CDH18: variants seen among roughly 807,000 people sequenced by gnomAD.
CDH18 encodes the protein cadherin-18.
A neutral mutation model predicts 67.9 loss-of-function variants in CDH18; 31 were observed. That is an observed-to-expected ratio of 0.46 (90% CI 0.34 to 0.62). CDH18 has a LOEUF of 0.62. Ranked by LOEUF, CDH18 falls within the 20% of genes least tolerant of loss-of-function variation. The pLI, the probability that CDH18 is intolerant of heterozygous loss-of-function variation, is 0.01. For synonymous variants in CDH18, 362 were observed against 347.2 expected, an observed-to-expected ratio of 1.04 and a Z score of -0.48; for missense variants, 890 against 975.5, an observed-to-expected ratio of 0.91 and a Z score of 1.17.
upstream of CDH18, among the ~76,000 whole-genome samples, chr5:19,990,242 G>A (rs182005646): frequency 5.3e-5 from 8 of 152,260 alleles, no homozygotes; most frequent in African/African-American, 1.4e-4. Flanking sequence ...TAAAATTCAC[G>A]TTATGACATT....
intron 1 of CDH18, among the ~76,000 whole-genome samples, chr5:20,384,849 T>C (rs1744187428): frequency 6.6e-6 from 1 of 152,190 alleles, no homozygotes; most frequent in Non-Finnish European, 1.5e-5. Context: ...TTTATTCATT[T>C]ATTTTGAGTT....
At chr5:20,389,555 A>T (rs147234297) in intron 1 of CDH18, among the ~76,000 whole-genome samples, 5 of 152,226 alleles carry the variant, frequency 3.3e-5, no homozygotes, top group Admixed American at 6.5e-5. Flanking sequence ...GAAAATGGCC[A>T]TACTGCCCAA....
In CDH18 at chr5:19,472,600, G is replaced by A. The variant is rs900047088; in HGVS notation, c.*626C>T. ...GCACTGAAGTTGCATACATTATAGTGCAGGCAGCAAATCCCCATGCTCCAT... is the reference window on the plus strand; with the variant it reads ...GCACTGAAGTTGCATACATTATAGTACAGGCAGCAAATCCCCATGCTCCAT... On this transcript the variant is annotated 3_prime_UTR_variant, in exon 13 of 13. Transcript: ENST00000382275. Among the ~76,000 whole-genome samples the A allele has an allele frequency of 3.9e-5, 6 of 152,066 alleles. No individual in the cohort carries two copies. Among genetic ancestry groups the A allele is most frequent in the African/African-American group, 1.4e-4 (6 of 41,416 alleles).
chr5:19,638,647 T>C (rs1170148460), intron 5 of CDH18, among the ~76,000 whole-genome samples: 1 of 151,664 alleles, frequency 6.6e-6, no homozygotes, highest in Non-Finnish European at 1.5e-5. Flanking sequence ...GGTTCCTGCC[T>C]TCCCCCCCCG....
At chr5:19,487,505 C>A (rs1216860879) in intron 11 of CDH18, among the ~76,000 whole-genome samples, 3 of 152,114 alleles carry the variant, frequency 2.0e-5, no homozygotes, top group Non-Finnish European at 2.9e-5. Flanking sequence ...AGAATGTTTA[C>A]ATGTCATATA....
intron 2 of CDH18, among the ~76,000 whole-genome samples, chr5:20,241,489 A>C (rs1024713768): frequency 6.6e-6 from 1 of 152,270 alleles, no homozygotes; most frequent in African/African-American, 2.4e-5. Flanking sequence ...CTCTGATGGC[A>C]AACGTGAGGC....
chr5:19,840,274 C>CAAAA (rs770658457), intron 2 of CDH18, among the ~76,000 whole-genome samples: 2 of 48,664 alleles, frequency 4.1e-5, no homozygotes, highest in Non-Finnish European at 4.5e-5. Flanking sequence ...GACTCCGTCT[C>CAAAA]AAAAAAAAAA....
chr5:19,913,300 C>T (rs1272084225), intron 2 of CDH18, among the ~76,000 whole-genome samples: 1 of 151,908 alleles, frequency 6.6e-6, no homozygotes, highest in African/African-American at 2.4e-5. Context: ...GAAAGAAAAA[C>T]ACAAATAAAG....
chr5:20,187,522 C>G (rs745791935), intron 2 of CDH18, among the ~76,000 whole-genome samples: 1 of 151,656 alleles, frequency 6.6e-6, no homozygotes, highest in Non-Finnish European at 1.5e-5. Flanking sequence ...TATTTTTTCC[C>G]TGTATAAAAT....
Position 19,503,016 on chromosome 5 carries a change from T to G in CDH18, c.1606A>C (p.Asn536His). The change falls in exon 11 of 13, where the codon AAC becomes CAC. Residue 536 changes from asparagine to histidine, a missense_variant. Physicochemically the swap from Asn to His is moderately conservative, Grantham distance 68. Transcript: ENST00000382275. ...FLDERLPVNP[N>H]FTLKDNEDNT... ...CCTTCATTGTCCTTCAGAGTGAAGT[T>G]TGGATTTACAGGCAGGCGTTCATCA... The G allele has an allele frequency of 6.2e-7, 1 of 1,607,994 alleles. No individual in the cohort carries two copies. The highest frequency in any genetic ancestry group is 8.5e-7 in the Non-Finnish European group (1 of 1,174,636).
chr5:19,504,169 G>A (rs1244351461), intron 10 of CDH18, among the ~76,000 whole-genome samples: 4 of 152,032 alleles, frequency 2.6e-5, no homozygotes, highest in African/African-American at 7.2e-5. Flanking sequence ...AGAAGTGGGG[G>A]TGAGTGACAG....
intron 2 of CDH18, among the ~76,000 whole-genome samples, chr5:19,958,322 T>C (rs1006831400): frequency 2.8e-5 from 4 of 145,188 alleles, no homozygotes; most frequent in Admixed American, 1.4e-4. Flanking sequence ...GCTTAAAATA[T>C]TGGAGCTTAT....
At chr5:20,418,727 G>A (rs182914790) in intron 1 of CDH18, among the ~76,000 whole-genome samples, 25 of 152,052 alleles carry the variant, frequency 1.6e-4, no homozygotes, top group African/African-American at 5.8e-4. Flanking sequence ...TATAAAAAGG[G>A]GTATTTGTAA....
At chr5:20,269,283 G>A (rs1213236494) in intron 1 of CDH18, among the ~76,000 whole-genome samples, 1 of 152,110 alleles carries the variant, frequency 6.6e-6, no homozygotes, top group Admixed American at 6.6e-5. Context: ...GTTGATGGGA[G>A]TGTAAATTAG....
chr5:20,507,827 G>T (rs139328505), intron 1 of CDH18, among the ~76,000 whole-genome samples: 1 of 152,016 alleles, frequency 6.6e-6, no homozygotes, highest in Non-Finnish European at 1.5e-5. Flanking sequence ...GAGCATACAC[G>T]TTTAGAAAAT....
rs184869816 is a variant in CDH18, at chr5:20,519,475, T to G, written c.-580+55987A>C. 4.5e-4 allele frequency among the ~76,000 whole-genome samples: 68 copies of G among 151,144 alleles called. 1 individual carries two copies. In the East Asian group the frequency reaches 0.013, roughly 29 times the overall value. On this transcript the variant is annotated intron_variant, in intron 1 of 14. Transcript: ENST00000507958. Reference sequence around the variant, plus strand: ...TCACACTCCGGGGACTGTTGTGGAGTGGGAGGAGAGGGGAGGGATAGCATT... The same window carrying G: ...TCACACTCCGGGGACTGTTGTGGAGGGGGAGGAGAGGGGAGGGATAGCATT...
intron 3 of CDH18, among the ~76,000 whole-genome samples, chr5:19,813,519 C>G (rs1196727237): frequency 6.6e-6 from 1 of 151,860 alleles, no homozygotes; most frequent in Non-Finnish European, 1.5e-5. Flanking sequence ...AGAGACTCTT[C>G]AGAAAAAAGA....
At chr5:20,056,482 T>TG (rs1741973699) in intron 2 of CDH18, among the ~76,000 whole-genome samples, 1 of 125,980 alleles carries the variant, frequency 7.9e-6, no homozygotes, top group Non-Finnish European at 1.6e-5. Flanking sequence ...TCTTTTGTTT[T>TG]TTTTTTTTTT....
At chr5:20,394,871 A>C (rs1255815714) in intron 1 of CDH18, among the ~76,000 whole-genome samples, 9 of 152,194 alleles carry the variant, frequency 5.9e-5, no homozygotes, top group African/African-American at 1.9e-4. Context: ...TGGAAATTAA[A>C]ACCACAATAA....
Sources: allele counts gnomAD v4.1 joint callset (sites outside exome capture counted in the v4.1 genomes callset), GRCh38; gene constraint gnomAD v4.1.1; transcripts MANE v1.5; gene names NCBI Gene and HGNC (gene_info 2026-07-23, HGNC 2026-07-21).